ADAMTSL1: variants seen among roughly 807,000 people sequenced by gnomAD.
ADAMTSL1 encodes ADAMTS like 1, also known as ADAMTS-like protein 1.
Under a neutral mutation model 201.8 loss-of-function variants are expected in ADAMTSL1, and 126 were observed. That is an observed-to-expected ratio of 0.62 (90% CI 0.54 to 0.72). The LOEUF is 0.72. Among genes scored for constraint, ADAMTSL1 ranks in the 30% least tolerant of loss-of-function variants. ADAMTSL1 has a pLI of 0.00. For missense variants in ADAMTSL1, 2,679 were observed against 2,277.8 expected, an observed-to-expected ratio of 1.18 and a Z score of -3.59; for synonymous variants, 1,121 against 903.4, an observed-to-expected ratio of 1.24 and a Z score of -4.32.
Position 18,729,861 on chromosome 9 carries a change from C to T in ADAMTSL1, c.2006+8196C>T, listed in dbSNP as rs140523168. Among the ~76,000 whole-genome samples, 178 of 152,270 alleles carry T rather than the reference C, an allele frequency of 1.2e-3. 4 individuals carry two copies. Among genetic ancestry groups the T allele is most frequent in the South Asian group, 1.0e-3 (5 of 4,816 alleles). ...TTCATTGCACTAAGAGTTGATGTAT[C>T]TGTACCAGTTATCAACCTCATTGTT... On this transcript the variant is annotated intron_variant, in intron 15 of 28. Coordinates refer to ENST00000380548, the MANE Select transcript of ADAMTSL1 (RefSeq NM_001040272.6).
intron 2 of ADAMTSL1, among the ~76,000 whole-genome samples, chr9:18,209,477 C>T (rs181421137): frequency 1.9e-4 from 29 of 152,242 alleles, no homozygotes; most frequent in Admixed American, 1.8e-3. Flanking sequence ...GGAACCAAAA[C>T]GCAAACCCTG....
intron 1 of ADAMTSL1, among the ~76,000 whole-genome samples, chr9:17,907,726 G>C (rs1017796837): frequency 6.6e-6 from 1 of 152,186 alleles, no homozygotes; most frequent in South Asian, 2.1e-4. Context: ...AAGCTGCTTA[G>C]GGAAGAGGGC....
At chr9:17,923,601 T>C (rs1244078220) in intron 1 of ADAMTSL1, among the ~76,000 whole-genome samples, 1 of 143,086 alleles carries the variant, frequency 7.0e-6, no homozygotes, top group Admixed American at 7.1e-5. Flanking sequence ...CTTTTCCTAA[T>C]TGAATACCCT....
chr9:18,078,854 C>A (rs1165699280), intron 1 of ADAMTSL1, among the ~76,000 whole-genome samples: 2 of 152,174 alleles, frequency 1.3e-5, no homozygotes, highest in Non-Finnish European at 2.9e-5. Context: ...GAGCTGTCTT[C>A]AGTATGGCCC....
chr9:17,907,121 C>T (rs538504625), intron 1 of ADAMTSL1, among the ~76,000 whole-genome samples: 1 of 152,184 alleles, frequency 6.6e-6, no homozygotes. Flanking sequence ...TCGATCTCTG[C>T]GTTTAGGCTT....
At chr9:18,650,736 A>G (rs1027363670) in intron 7 of ADAMTSL1, among the ~76,000 whole-genome samples, 1 of 152,184 alleles carries the variant, frequency 6.6e-6, no homozygotes, top group Non-Finnish European at 1.5e-5. Flanking sequence ...TTCCTAGAGC[A>G]GCGTTTCTTC....
intron 2 of ADAMTSL1, among the ~76,000 whole-genome samples, chr9:18,174,832 C>T (rs1464731298): frequency 1.3e-5 from 2 of 151,914 alleles, no homozygotes; most frequent in Non-Finnish European, 1.5e-5. Flanking sequence ...AGAACAATGT[C>T]GTAATTTTGC....
chr9:18,768,142 G>C (rs764963448), intron 16 of ADAMTSL1, among the ~76,000 whole-genome samples: 88 of 152,358 alleles, frequency 5.8e-4, no homozygotes, highest in Non-Finnish European at 1.1e-3. Context: ...ATGGTCACAA[G>C]AGTGGAAGCT....
At chr9:18,225,598 T>TA (rs1563819588) in intron 2 of ADAMTSL1, among the ~76,000 whole-genome samples, 1 of 152,154 alleles carries the variant, frequency 6.6e-6, no homozygotes, top group African/African-American at 2.4e-5. Flanking sequence ...TCTAAAATAT[T>TA]AAAAAACACT....
intron 19 of ADAMTSL1, among the ~76,000 whole-genome samples, chr9:18,783,816 G>A (rs1821543956): frequency 6.6e-6 from 1 of 151,460 alleles, no homozygotes. Flanking sequence ...AAGACTACAG[G>A]TGGCCCTCAA....
chr9:18,024,403 C>T (rs1435190391), intron 1 of ADAMTSL1, among the ~76,000 whole-genome samples: 4 of 152,038 alleles, frequency 2.6e-5, no homozygotes, highest in South Asian at 4.1e-4. Flanking sequence ...CTTCTCATCC[C>T]TTACTCACCT....
At chr9:18,399,288 T>TATATATATATATATATATATAC (rs1817875131) in intron 2 of ADAMTSL1, among the ~76,000 whole-genome samples, 3 of 79,592 alleles carry the variant, frequency 3.8e-5, no homozygotes, top group Non-Finnish European at 7.3e-5. Context: ...TACATATATA[T>TATATATATATATATATATATAC]ATATATATAT....
intron 2 of ADAMTSL1, among the ~76,000 whole-genome samples, chr9:18,251,302 T>C (rs1482494391): frequency 6.6e-6 from 1 of 152,092 alleles, no homozygotes; most frequent in Non-Finnish European, 1.5e-5. Flanking sequence ...GGAAAAATAA[T>C]TAATAACATA....
chr9:18,202,292 C>A (rs1270600357), intron 2 of ADAMTSL1, among the ~76,000 whole-genome samples: 2 of 152,056 alleles, frequency 1.3e-5, no homozygotes, highest in African/African-American at 4.8e-5. Flanking sequence ...GAAAGAACAA[C>A]AACAAAACAA....
chr9:18,297,998 A>C (rs926914222), intron 2 of ADAMTSL1, among the ~76,000 whole-genome samples: 4 of 152,198 alleles, frequency 2.6e-5, no homozygotes, highest in African/African-American at 9.7e-5. Context: ...TGAGATGATA[A>C]AGTAGCATCA....
rs775816532 is a variant in ADAMTSL1 at position 18,639,392 on chromosome 9, C to T, written c.815C>T (p.Thr272Ile). 2 of 1,612,578 alleles carry T rather than the reference C, an allele frequency of 1.2e-6. No homozygotes were observed. The highest frequency in any genetic ancestry group is 1.7e-6 in the Non-Finnish European group (2 of 1,179,016). ...ATACTGAGAATGGCTGGACCACTCA[C>T]AGCAGATTTCATTGTCAAGGTGAGC... is the stretch of plus-strand genomic sequence containing the variant. ...KEILRMAGPL[T>I]ADFIVKIRNS... Residue 272 changes from threonine to isoleucine, a missense_variant, in exon 7 of 29, where the codon ACA becomes ATA. Physicochemically the swap from Thr to Ile is moderately conservative, Grantham distance 89. Transcript: ENST00000380548.
intron 3 of ADAMTSL1, among the ~76,000 whole-genome samples, chr9:18,539,032 G>C (rs1819969846): frequency 6.8e-6 from 1 of 148,068 alleles, no homozygotes. Flanking sequence ...GCCAACGCTT[G>C]GCTCTTTCCA....
At chr9:18,269,024 A>C (rs1832248994) in intron 2 of ADAMTSL1, among the ~76,000 whole-genome samples, 1 of 152,128 alleles carries the variant, frequency 6.6e-6, no homozygotes, top group Admixed American at 6.6e-5. Flanking sequence ...AGTTCTATAC[A>C]AATCATTGTA....
chr9:18,401,901 T>G (rs992681959), intron 2 of ADAMTSL1, among the ~76,000 whole-genome samples: 1 of 152,192 alleles, frequency 6.6e-6, no homozygotes, highest in African/African-American at 2.4e-5. Context: ...GCAGGCTTCA[T>G]GACCAGCATT....
Sources: gnomAD v4.1 joint callset for allele counts (sites outside exome capture counted in the v4.1 genomes callset) on GRCh38, gnomAD v4.1.1 for gene constraint, MANE v1.5 for transcripts, NCBI Gene and HGNC (gene_info 2026-07-23, HGNC 2026-07-21) for gene names.